CLEC16A: variants seen among roughly 807,000 people sequenced by gnomAD.
CLEC16A encodes the protein C-type lectin domain containing 16A, also known as protein CLEC16A.
In CLEC16A, 51 loss-of-function variants were observed where a neutral mutation model predicts 109.5. That is an observed-to-expected ratio of 0.47 (90% CI 0.37 to 0.59). CLEC16A has a LOEUF of 0.59. Among genes scored for constraint, CLEC16A ranks in the 20% least tolerant of loss-of-function variants. CLEC16A has a pLI of 0.00. For missense variants in CLEC16A, 1,339 were observed against 1,394.0 expected (o/e 0.96, Z 0.63); for synonymous variants, 673 against 564.2 (o/e 1.19, Z -2.73).
In CLEC16A at chr16:10,961,022, A is replaced by G. The variant is rs2042227240; in HGVS notation, c.210-1433A>G. ...TCCCCTATGGAGTTTTAAAAAATCT[A>G]GGTTCATGGATTTTATGCTAGACCT... On this transcript the variant is annotated intron_variant, in intron 2 of 23. Transcript: ENST00000409790. This position sits in a 1 kb window ranked among gnomAD's most constrained non-coding sequence, Gnocchi z 4.3. 6.6e-6 allele frequency among the ~76,000 whole-genome samples: 1 copy of G among 152,084 alleles called. No homozygotes were observed. Among genetic ancestry groups the G allele is most frequent in the Non-Finnish European group, 1.5e-5 (1 of 68,006 alleles).
At chr16:11,008,954 G>C (rs112290407) in intron 11 of CLEC16A, among the ~76,000 whole-genome samples, 1 of 151,952 alleles carries the variant, frequency 6.6e-6, no homozygotes, top group African/African-American at 2.4e-5. Flanking sequence ...AGCCGAGATC[G>C]CGCCACTGCA....
intron 19 of CLEC16A, chr16:11,070,442 A>T (rs1301827105): frequency 6.6e-6 from 1 of 151,812 alleles, no homozygotes; most frequent in Admixed American, 6.6e-5. Flanking sequence ...CCTGTGCTCA[A>T]GCATTCCTCT....
intron 1 of CLEC16A, among the ~76,000 whole-genome samples, chr16:10,947,253 C>T (rs190979652): frequency 6.6e-6 from 1 of 152,332 alleles, no homozygotes; most frequent in Non-Finnish European, 1.5e-5. Context: ...TGTAAACAGC[C>T]AGTGCCCACC....
At chr16:11,048,906 G>T (rs1269404089) in intron 17 of CLEC16A, among the ~76,000 whole-genome samples, 1 of 151,746 alleles carries the variant, frequency 6.6e-6, no homozygotes, top group African/African-American at 2.4e-5. Context: ...GGCTTCTATG[G>T]CACTTGACCA....
intron 1 of CLEC16A, among the ~76,000 whole-genome samples, chr16:10,957,570 G>T (rs776935832): frequency 6.6e-6 from 1 of 152,194 alleles, no homozygotes; most frequent in Non-Finnish European, 1.5e-5. Flanking sequence ...TCTTGTCTCC[G>T]TCTGGGTTGG....
intron 22 of CLEC16A, among the ~76,000 whole-genome samples, chr16:11,134,501 C>T (rs932179853): frequency 2.6e-5 from 4 of 152,186 alleles, no homozygotes; most frequent in South Asian, 2.1e-4. Context: ...CCCTTCCTGC[C>T]TCTAAATCCC....
intron 11 of CLEC16A, among the ~76,000 whole-genome samples, chr16:11,018,199 C>G (rs1279213532): frequency 4.0e-5 from 6 of 149,780 alleles, no homozygotes; most frequent in Non-Finnish European, 5.9e-5. Flanking sequence ...CCTAGCTACT[C>G]GGGAGCCCAG....
chr16:10,968,905 G>A (rs2042644519), intron 3 of CLEC16A, among the ~76,000 whole-genome samples: 1 of 152,080 alleles, frequency 6.6e-6, no homozygotes, highest in Non-Finnish European at 1.5e-5. Context: ...GAAAATGTTG[G>A]AGTGTCTTTT....
intron 22 of CLEC16A, among the ~76,000 whole-genome samples, chr16:11,155,015 C>T (rs377578609): frequency 2.7e-5 from 4 of 150,422 alleles, no homozygotes; most frequent in African/African-American, 7.3e-5. Context: ...CCCAGCTACA[C>T]GGGAGGCTGA....
chr16:11,112,059 C>T (rs1364630908), intron 19 of CLEC16A, among the ~76,000 whole-genome samples: 5 of 152,114 alleles, frequency 3.3e-5, no homozygotes, highest in African/African-American at 7.2e-5. Flanking sequence ...TGGGAGAGAA[C>T]GCAGCTATGA....
Position 11,177,457 on chromosome 16 carries a change from G to A in CLEC16A, c.2807-878G>A, listed in dbSNP as rs564382461. On this transcript the variant is annotated intron_variant, in intron 23 of 23. Coordinates refer to ENST00000409790, the MANE Select transcript of CLEC16A (RefSeq NM_015226.3). ...CTCTACAAAAATACAAAAATTAGCCGGATGTGGTGGCAGATGCCTGTAATC... is the reference window on the plus strand; with the variant it reads ...CTCTACAAAAATACAAAAATTAGCCAGATGTGGTGGCAGATGCCTGTAATC... Among the ~76,000 whole-genome samples the A allele has an allele frequency of 8.1e-4, 123 of 152,168 alleles. 1 individual carries two copies. The highest frequency in any genetic ancestry group is 2.7e-3 in the African/African-American group (112 of 41,502).
chr16:11,042,288 C>A lies in CLEC16A; in HGVS notation c.1695C>A (p.Ser565Arg). 1 of 1,589,302 alleles carries A rather than the reference C, an allele frequency of 6.3e-7. No homozygotes were observed. The highest frequency in any genetic ancestry group is 8.6e-7 in the Non-Finnish European group (1 of 1,168,306). The change falls in exon 15 of 24, where the codon AGC (serine) becomes AGA (arginine). Residue 565 changes from serine (S) to arginine (R), a missense_variant. Coordinates refer to ENST00000409790, the MANE Select transcript of CLEC16A (RefSeq NM_015226.3). ...GKIRLATLEL[S>R]CLLLKQQVLM... ...TCCGGCTGGCGACGCTGGAGCTGAG[C>A]TGCCTGCTTCTGAAGCAGCAAGTCC...
At chr16:11,009,018 A>C (rs891172875) in intron 11 of CLEC16A, among the ~76,000 whole-genome samples, 1 of 152,040 alleles carries the variant, frequency 6.6e-6, no homozygotes. Context: ...AAAAAAGTAC[A>C]TTCACGTTGT....
chr16:10,996,635 C>T (rs2044346074), intron 10 of CLEC16A, among the ~76,000 whole-genome samples: 1 of 152,210 alleles, frequency 6.6e-6, no homozygotes. Context: ...CCCTCCCTTC[C>T]TCTGCGGCCC....
intron 22 of CLEC16A, chr16:11,156,572 A>G: frequency 1.5e-6 from 2 of 1,303,792 alleles, no homozygotes; most frequent in Non-Finnish European, 2.0e-6. Context: ...CTGCCGTTTC[A>G]GCCCTGCTGA....
chr16:10,976,243 C>G (rs2043025825), intron 7 of CLEC16A, among the ~76,000 whole-genome samples: 1 of 151,780 alleles, frequency 6.6e-6, no homozygotes, highest in Non-Finnish European at 1.5e-5. Context: ...GCACTCCAGC[C>G]TAGGTAACAA....
chr16:10,975,339 A>T (rs980072386), intron 7 of CLEC16A, among the ~76,000 whole-genome samples: 5 of 152,156 alleles, frequency 3.3e-5, no homozygotes, highest in African/African-American at 1.2e-4. Context: ...AAAGAAAAGA[A>T]AAAAACAGTG....
intron 8 of CLEC16A, among the ~76,000 whole-genome samples, chr16:10,977,635 T>A (rs2043094713): frequency 6.6e-6 from 1 of 152,164 alleles, no homozygotes; most frequent in Non-Finnish European, 1.5e-5. Flanking sequence ...TGCCTCAGCC[T>A]CCCGAGTAGC....
At chr16:11,092,401 C>CACACAT (rs1491089667) in intron 19 of CLEC16A, among the ~76,000 whole-genome samples, 1 of 144,460 alleles carries the variant, frequency 6.9e-6, no homozygotes, top group South Asian at 2.2e-4. Context: ...CACACACACA[C>CACACAT]ATGCCAGGTG....
Sources: gnomAD v4.1 joint callset for allele counts (sites outside exome capture counted in the v4.1 genomes callset) on GRCh38, gnomAD v4.1.1 for gene constraint, Gnocchi (gnomAD v3.1) non-coding constraint, MANE v1.5 for transcripts, NCBI Gene and HGNC (gene_info 2026-07-23, HGNC 2026-07-21) for gene names.